The following SLX4IP variants were observed in gnomAD, a reference collection of about 807,000 sequenced individuals.
The protein encoded by SLX4IP is SLX4 interacting protein, also known as protein SLX4IP.
A neutral mutation model predicts 32.9 loss-of-function variants in SLX4IP; 34 were observed. That is an observed-to-expected ratio of 1.03 (90% CI 0.79 to 1.38). The LOEUF (loss-of-function observed/expected upper bound fraction) is 1.38. SLX4IP is among the 40% of genes most tolerant of loss of function. SLX4IP has a pLI of 0.00. For missense variants in SLX4IP, 444 were observed against 479.0 expected, an observed-to-expected ratio of 0.93 and a Z score of 0.68; for synonymous variants, 172 against 171.7, an observed-to-expected ratio of 1.00 and a Z score of -0.01.
chr20:10,568,134 GA>G (rs2066417437), intron 4 of SLX4IP, among the ~76,000 whole-genome samples: 1 of 152,172 alleles, frequency 6.6e-6, no homozygotes. Flanking sequence ...ACTGTATTTT[GA>G]AAGGCTTTAT....
At chr20:10,453,356 C>G (rs896654624) in intron 1 of SLX4IP, among the ~76,000 whole-genome samples, 1 of 132,540 alleles carries the variant, frequency 7.5e-6, no homozygotes, top group African/African-American at 2.8e-5. Context: ...ACGTGCCTCT[C>G]CCCTGCGGCC....
chr20:10,501,741 G>A (rs2065720937), intron 2 of SLX4IP, among the ~76,000 whole-genome samples: 1 of 152,180 alleles, frequency 6.6e-6, no homozygotes, highest in African/African-American at 2.4e-5. Context: ...AAGCAGTCTG[G>A]TGGTGAAACA....
intron 2 of SLX4IP, among the ~76,000 whole-genome samples, chr20:10,550,447 A>G (rs1009635451): frequency 6.6e-6 from 1 of 152,000 alleles, no homozygotes; most frequent in Admixed American, 6.6e-5. Context: ...ACCCAACCAC[A>G]TCCTCTTACT....
At chr20:10,594,754 T>C (rs2066750341) in intron 4 of SLX4IP, among the ~76,000 whole-genome samples, 1 of 152,236 alleles carries the variant, frequency 6.6e-6, no homozygotes, top group South Asian at 2.1e-4. Context: ...TTTTTTGTCG[T>C]AATTTTTGCC....
At chr20:10,614,660 G>T (rs1194387573) in intron 6 of SLX4IP, among the ~76,000 whole-genome samples, 6 of 152,190 alleles carry the variant, frequency 3.9e-5, no homozygotes, top group African/African-American at 9.7e-5. Flanking sequence ...ATGGGTAGGG[G>T]TGTTACCATC....
At chr20:10,460,572 T>C (rs1009378752) in intron 2 of SLX4IP, among the ~76,000 whole-genome samples, 1 of 152,172 alleles carries the variant, frequency 6.6e-6, no homozygotes, top group Non-Finnish European at 1.5e-5. Context: ...TCTACCCCGG[T>C]GGCTGAGTTT....
chr20:10,530,942 T>C (rs2065983567), intron 2 of SLX4IP, among the ~76,000 whole-genome samples: 4 of 152,206 alleles, frequency 2.6e-5, no homozygotes, highest in Admixed American at 2.6e-4. Flanking sequence ...AGTACCACAG[T>C]GGTGTAAGGA....
chr20:10,591,973 G>T (rs2066714493), intron 4 of SLX4IP, among the ~76,000 whole-genome samples: 1 of 152,132 alleles, frequency 6.6e-6, no homozygotes, highest in African/African-American at 2.4e-5. Flanking sequence ...AAGTCAAAAG[G>T]GTGACAGGCA....
chr20:10,560,250 G>A (rs776605582), intron 3 of SLX4IP, among the ~76,000 whole-genome samples: 1 of 152,154 alleles, frequency 6.6e-6, no homozygotes, highest in Non-Finnish European at 1.5e-5. Flanking sequence ...CCCCATCCCT[G>A]TCTACAGTCC....
At chr20:10,598,940 T>C (rs2122546587) in intron 5 of SLX4IP, among the ~76,000 whole-genome samples, 188 bp downstream of exon 5, 1 of 152,310 alleles carries the variant, frequency 6.6e-6, no homozygotes, top group Middle Eastern at 3.4e-3. Flanking sequence ...CTAAGAACAG[T>C]GAGCTGGGCC....
At chr20:10,512,682 ATAT>A (rs1326111767) in intron 2 of SLX4IP, among the ~76,000 whole-genome samples, 1 of 142,044 alleles carries the variant, frequency 7.0e-6, no homozygotes, top group Non-Finnish European at 1.5e-5. Flanking sequence ...TTGTGTATAT[ATAT>A]TTTATATATA....
chr20:10,454,001 T>G (rs1343599977), intron 1 of SLX4IP, among the ~76,000 whole-genome samples: 7 of 152,222 alleles, frequency 4.6e-5, no homozygotes, highest in African/African-American at 1.7e-4. Flanking sequence ...TCTCTTTTTT[T>G]GTTGCTGTCA....
intron 2 of SLX4IP, among the ~76,000 whole-genome samples, chr20:10,506,978 A>G (rs1242062673): frequency 6.6e-6 from 1 of 152,248 alleles, no homozygotes; most frequent in Admixed American, 6.5e-5. Flanking sequence ...TGATTACTGC[A>G]ATCTGGCTAA....
At chr20:10,577,301 CT>C (rs1039758009) in intron 4 of SLX4IP, among the ~76,000 whole-genome samples, 1 of 152,064 alleles carries the variant, frequency 6.6e-6, no homozygotes, top group Non-Finnish European at 1.5e-5. Flanking sequence ...GTTTTTCATG[CT>C]TTCCCCCCTT....
chr20:10,523,337 G>A (rs904455143), intron 2 of SLX4IP, among the ~76,000 whole-genome samples: 6 of 152,118 alleles, frequency 3.9e-5, no homozygotes, highest in Non-Finnish European at 8.8e-5. Flanking sequence ...TTTGCAGGGG[G>A]GAGGAGGAGT....
intron 2 of SLX4IP, among the ~76,000 whole-genome samples, chr20:10,553,869 A>G (rs1430916993): frequency 6.6e-6 from 1 of 152,218 alleles, no homozygotes; most frequent in African/African-American, 2.4e-5. Context: ...ATCTTTCAAC[A>G]TGCTTCACAG....
At chr20:10,536,683 G>GT in intron 2 of SLX4IP, among the ~76,000 whole-genome samples, 1 of 152,232 alleles carries the variant, frequency 6.6e-6, no homozygotes, top group Non-Finnish European at 1.5e-5. Flanking sequence ...AACGTACTGA[G>GT]TTTTACAAGG....
Position 10,622,748 on chromosome 20 carries a change from C to T in SLX4IP, c.596C>T (p.Ala199Val), listed in dbSNP as rs773124494. 9.3e-6 allele frequency: 15 copies of T among 1,614,022 alleles called. No homozygotes were observed. The South Asian group carries it at 1.4e-4, about 15-fold the overall frequency. Residue 199 changes from alanine to valine, a missense_variant, in exon 8 of 8, where the codon GCA becomes GTA. Coordinates refer to ENST00000334534, the MANE Select transcript of SLX4IP (RefSeq NM_001009608.3). The stretch of plus-strand genomic sequence containing the variant: ...GAAACATCTAGTGACTCAGTGATTG[C>T]AGAGATAGCAAGGAGGAGGAATGAT... The part of the protein sequence containing the change: ...TVETSSDSVI[A>V]EIARRRNDGQ...
chr20:10,557,430 A>G (rs1453566436), intron 3 of SLX4IP, among the ~76,000 whole-genome samples: 1 of 152,246 alleles, frequency 6.6e-6, no homozygotes, highest in Non-Finnish European at 1.5e-5. Context: ...CATTCAGGTA[A>G]ATAACTGTGG....
Sources: gnomAD v4.1 joint callset for allele counts (sites outside exome capture counted in the v4.1 genomes callset) on GRCh38, gnomAD v4.1.1 for gene constraint, MANE v1.5 for transcripts, NCBI Gene and HGNC (gene_info 2026-07-23, HGNC 2026-07-21) for gene names.